The following NCAM2 variants were observed in gnomAD, a reference collection of about 807,000 sequenced individuals.
NCAM2 encodes the protein N-CAM-2.
NCAM2 carries 30 observed loss-of-function variants against 98.1 expected under a neutral mutation model. The observed-to-expected ratio is 0.31, with a 90% CI of 0.23 to 0.41. The LOEUF (loss-of-function observed/expected upper bound fraction) is 0.41, where lower values mean the gene tolerates loss of function less well. Ranked by LOEUF, NCAM2 falls within the 10% of genes least tolerant of loss-of-function variation. The probability of loss-of-function intolerance (pLI) is 1.00; values close to 1 mark genes in which losing one functional copy is unlikely to be tolerated. For missense variants in NCAM2, 867 were observed against 1,005.8 expected (o/e 0.86, Z 1.87); for synonymous variants, 368 against 342.4 (o/e 1.07, Z -0.83).
chr21:21,077,633 A>G (rs190546496), intron 1 of NCAM2, among the ~76,000 whole-genome samples: 9 of 152,330 alleles, frequency 5.9e-5, no homozygotes, highest in Non-Finnish European at 1.0e-4. Flanking sequence ...AATAAATATT[A>G]TGTTTCTCCT....
At chr21:21,024,067 A>C (rs1601122648) in intron 1 of NCAM2, among the ~76,000 whole-genome samples, 1 of 152,304 alleles carries the variant, frequency 6.6e-6, no homozygotes, top group East Asian at 1.9e-4. Flanking sequence ...GTAATAATAC[A>C]CTTGTTCCCA....
chr21:21,099,113 G>A (rs1188297219), intron 1 of NCAM2, among the ~76,000 whole-genome samples: 8 of 151,572 alleles, frequency 5.3e-5, no homozygotes, highest in Admixed American at 2.6e-4. Flanking sequence ...GTCCAAAGTG[G>A]GTGAAAAAAT....
intron 1 of NCAM2, among the ~76,000 whole-genome samples, chr21:21,168,056 A>G (rs975222532): frequency 6.6e-6 from 1 of 152,144 alleles, no homozygotes; most frequent in Non-Finnish European, 1.5e-5. Context: ...AAAATCCTCA[A>G]CAAAATATTA....
intron 1 of NCAM2, among the ~76,000 whole-genome samples, chr21:21,256,202 A>C (rs2071664127): frequency 6.6e-6 from 1 of 152,066 alleles, no homozygotes; most frequent in Non-Finnish European, 1.5e-5. Flanking sequence ...TAAAAACAAC[A>C]AAAATTAGCT....
At chr21:21,371,865 GCACACACA>G (rs5842919) in intron 8 of NCAM2, among the ~76,000 whole-genome samples, 29 of 148,482 alleles carry the variant, frequency 2.0e-4, no homozygotes, top group Middle Eastern at 3.5e-3. Flanking sequence ...AAATGCGCGT[GCACACACA>G]CACACACACA....
chr21:21,326,034 A>G (rs186420973), intron 6 of NCAM2, among the ~76,000 whole-genome samples: 76 of 152,328 alleles, frequency 5.0e-4, no homozygotes, highest in African/African-American at 1.8e-3. Flanking sequence ...ATGCTATAAA[A>G]TGTAAACTGT....
At chr21:21,415,682 T>G (rs755148547) in intron 10 of NCAM2, among the ~76,000 whole-genome samples, 11 of 152,280 alleles carry the variant, frequency 7.2e-5, no homozygotes, top group Non-Finnish European at 1.3e-4. Flanking sequence ...ACATCAGCAC[T>G]TGCTGCTCCA....
At chr21:21,009,949 C>T (rs773382097) in intron 1 of NCAM2, among the ~76,000 whole-genome samples, 1 of 131,332 alleles carries the variant, frequency 7.6e-6, no homozygotes. Flanking sequence ...TCTCTAGGTC[C>T]AACTTCAGTG....
At chr21:21,459,802 A>G (rs1470812753) in intron 12 of NCAM2, among the ~76,000 whole-genome samples, 2 of 151,738 alleles carry the variant, frequency 1.3e-5, no homozygotes, top group African/African-American at 4.8e-5. Flanking sequence ...TTCTAGAGAG[A>G]TAATGTACCG....
chr21:21,028,418 G>A (rs1239871213), intron 1 of NCAM2, among the ~76,000 whole-genome samples: 1 of 152,200 alleles, frequency 6.6e-6, no homozygotes, highest in Non-Finnish European at 1.5e-5. Flanking sequence ...GGCCTGACCA[G>A]CTCTTTCGAG....
At chr21:21,411,080 ATATATATGTGTG>A (rs2076860081) in intron 10 of NCAM2, among the ~76,000 whole-genome samples, 1 of 83,998 alleles carries the variant, frequency 1.2e-5, no homozygotes, top group Non-Finnish European at 2.4e-5. Context: ...ACACACACAT[ATATATATGTGTG>A]TATATATATA....
At chr21:21,083,134 T>C (rs2065842680) in intron 1 of NCAM2, among the ~76,000 whole-genome samples, 1 of 152,136 alleles carries the variant, frequency 6.6e-6, no homozygotes, top group Non-Finnish European at 1.5e-5. Flanking sequence ...ACAGCAAGAG[T>C]AGTAATAATG....
intron 14 of NCAM2, among the ~76,000 whole-genome samples, chr21:21,472,062 A>G (rs1037211418): frequency 8.5e-5 from 13 of 152,072 alleles, no homozygotes; most frequent in Non-Finnish European, 1.6e-4. Flanking sequence ...TATAGTGTCA[A>G]TGTAACTTCA....
intron 1 of NCAM2, among the ~76,000 whole-genome samples, chr21:21,111,050 C>G (rs906755171): frequency 4.9e-4 from 75 of 152,074 alleles, no homozygotes; most frequent in African/African-American, 1.8e-3. Flanking sequence ...GTTAAAAAGG[C>G]AATAAAATTA....
At chr21:21,525,587 T>C (rs1410382197) in intron 16 of NCAM2, among the ~76,000 whole-genome samples, 1 of 152,046 alleles carries the variant, frequency 6.6e-6, no homozygotes, top group Non-Finnish European at 1.5e-5. Flanking sequence ...TACCAAACAT[T>C]TAAACATTAA....
At chr21:21,227,131 A>G (rs989209039) in intron 1 of NCAM2, among the ~76,000 whole-genome samples, 1 of 151,936 alleles carries the variant, frequency 6.6e-6, no homozygotes, top group Non-Finnish European at 1.5e-5. Context: ...TGAACATAGA[A>G]TTAAAGATAC....
intron 15 of NCAM2, among the ~76,000 whole-genome samples, chr21:21,493,246 C>G (rs191531876): frequency 9.9e-4 from 150 of 151,964 alleles, no homozygotes; most frequent in Middle Eastern, 3.4e-3. Context: ...TTACTCCTCA[C>G]TTAATATGTG....
chr21:21,385,889 G>T (rs1278120392), intron 9 of NCAM2, among the ~76,000 whole-genome samples: 1 of 152,020 alleles, frequency 6.6e-6, no homozygotes, highest in Non-Finnish European at 1.5e-5. Flanking sequence ...AACAATGCAT[G>T]CTAAGAAATA....
intron 1 of NCAM2, among the ~76,000 whole-genome samples, chr21:21,073,429 C>T (rs1218204430): frequency 3.3e-5 from 5 of 152,028 alleles, no homozygotes; most frequent in African/African-American, 1.2e-4. Context: ...TTTTTTTCAG[C>T]ATGTTACTTG....
Sources: gnomAD v4.1 joint callset for allele counts (sites outside exome capture counted in the v4.1 genomes callset) on GRCh38, gnomAD v4.1.1 for gene constraint, MANE v1.5 for transcripts, NCBI Gene and HGNC (gene_info 2026-07-23, HGNC 2026-07-21) for gene names.